The following TNPO2 variants were observed in gnomAD, a reference collection of about 807,000 sequenced individuals.
TNPO2 encodes transportin 2.
Under a neutral mutation model 111.1 loss-of-function variants are expected in TNPO2, and 16 were observed. That is an observed-to-expected ratio of 0.14 (90% CI 0.10 to 0.22). The LOEUF (loss-of-function observed/expected upper bound fraction) is 0.22. Among genes scored for constraint, TNPO2 ranks in the 10% least tolerant of loss-of-function variants. TNPO2 has a pLI of 1.00. For missense variants in TNPO2, 530 were observed against 1,173.7 expected (o/e 0.45, Z 8.01); for synonymous variants, 481 against 475.8 (o/e 1.01, Z -0.14).
At chr19:12,717,108 A>G (rs2026402746) in intron 5 of TNPO2, among the ~76,000 whole-genome samples, 1 of 147,852 alleles carries the variant, frequency 6.8e-6, no homozygotes, top group African/African-American at 2.7e-5. Flanking sequence ...TGGAAACTCA[A>G]CGAGAGAAAG....
intron 13 of TNPO2, among the ~76,000 whole-genome samples, chr19:12,707,336 T>TAATTCATGTGTTAATTG (rs1171986148): frequency 1.3e-5 from 2 of 152,212 alleles, no homozygotes; most frequent in Non-Finnish European, 2.9e-5. Flanking sequence ...ATTCATGCAT[T>TAATTCATGTGTTAATTG]AATTCATGTG....
intron 13 of TNPO2, among the ~76,000 whole-genome samples, chr19:12,708,257 C>A (rs930865989): frequency 2.6e-5 from 4 of 152,106 alleles, no homozygotes; most frequent in Non-Finnish European, 4.4e-5. Context: ...CTCAGCCTCC[C>A]AATAGCTAGG....
In TNPO2 at chr19:12,706,833, G is replaced by T. The variant is rs1163008876; in HGVS notation, c.1271-38C>A. The T allele has an allele frequency of 1.3e-6, 2 of 1,534,744 alleles. No individual in the cohort carries two copies. The highest frequency in any genetic ancestry group is 1.4e-5 in the African/African-American group (1 of 72,888). ...GGAACCAAGAGGGGGCAGTTTGATTGGGCCCAGCCACACCCACCGTATGGA... is the reference window on the plus strand; with the variant it reads ...GGAACCAAGAGGGGGCAGTTTGATTTGGCCCAGCCACACCCACCGTATGGA... On this transcript the variant is annotated intron_variant, in intron 13 of 25. Coordinates refer to ENST00000425528, the MANE Select transcript of TNPO2 (RefSeq NM_001382241.1). This position sits in a 1 kb window ranked among gnomAD's most constrained non-coding sequence, Gnocchi z 7.0.
At chr19:12,717,554 G>T (rs753662224) in intron 5 of TNPO2, among the ~76,000 whole-genome samples, 1 of 152,116 alleles carries the variant, frequency 6.6e-6, no homozygotes, top group Non-Finnish European at 1.5e-5. Context: ...TTAGAGGCGT[G>T]AGCCACTGTG....
rs957946148 is a variant in TNPO2 at position 12,721,665 on chromosome 19, C to T, written c.-13-675G>A. On this transcript the variant is annotated intron_variant, in intron 2 of 25. Transcript: ENST00000425528. This position sits in a 1 kb window ranked among gnomAD's most constrained non-coding sequence, Gnocchi z 4.9. ...CCCCTTAATCAGGCCCAAAGCAGTC[C>T]CCAGGTAGGTCTCTGCTGCCTCTTC... 4.2e-6 allele frequency: 1 copy of T among 237,870 alleles called. No homozygotes were observed. The highest frequency in any genetic ancestry group is 8.4e-6 in the Non-Finnish European group (1 of 119,728). 14.7% of individuals were successfully genotyped at this position (237,870 alleles called of 1,614,324 possible).
Position 12,706,334 on chromosome 19 carries a change from C to A in TNPO2, c.1530G>T (p.Thr510=), listed in dbSNP as rs376211206. The change falls in exon 15 of 26, where the codon ACG becomes ACT. Residue 510 remains threonine, a synonymous_variant. Coordinates refer to ENST00000425528, the MANE Select transcript of TNPO2 (RefSeq NM_001382241.1). This position sits in a 1 kb window ranked among gnomAD's most constrained non-coding sequence, Gnocchi z 7.0. ...AFATLEEEAC[T]ELVPYLSYIL... ...TGTAGCTGAGGTAGGGCACCAGCTC[C>A]GTGCAGGCCTCTTCCTCCAGGGTGG... The A allele has an allele frequency of 1.2e-6, 2 of 1,614,042 alleles. No homozygotes were observed. The highest frequency in any genetic ancestry group is 1.7e-6 in the Non-Finnish European group (2 of 1,179,952).
intron 20 of TNPO2, 106 bp from the exon 21 acceptor site, chr19:12,703,024 G>A (rs2025414019): frequency 6.3e-6 from 6 of 951,002 alleles, no homozygotes; most frequent in Non-Finnish European, 9.8e-6. Flanking sequence ...CTAGAGACTG[G>A]CCAACCACTA....
In TNPO2 at chr19:12,701,497, G is replaced by A. The variant is rs1043685379; in HGVS notation, c.2587-44C>T. On this transcript the variant is annotated intron_variant, in intron 24 of 25. Coordinates refer to ENST00000425528, the MANE Select transcript of TNPO2 (RefSeq NM_001382241.1). The surrounding 1 kb of genome is among the most constrained non-coding windows in gnomAD (Gnocchi z 5.0). Reference sequence around the variant, plus strand: ...TGAGGGGTAGGCAGGGGCAGAACAAGGGGAGTGCGCCTCTTCCCCCATCCC... The same window carrying A: ...TGAGGGGTAGGCAGGGGCAGAACAAAGGGAGTGCGCCTCTTCCCCCATCCC... 1.3e-6 allele frequency: 2 copies of A among 1,599,436 alleles called. No individual in the cohort carries two copies. The highest frequency in any genetic ancestry group is 1.3e-5 in the African/African-American group (1 of 74,550).
chr19:12,708,447 A>T (rs77175685), intron 13 of TNPO2, among the ~76,000 whole-genome samples: 26,359 of 139,648 alleles, frequency 0.19, 5,439 homozygotes, highest in African/African-American at 0.51. Context: ...TTTTTTTTTT[A>T]AAATATCACG....
intron 13 of TNPO2, 107 bp downstream of exon 13, chr19:12,710,514 G>T (rs1241587105): frequency 1.8e-5 from 23 of 1,307,694 alleles, no homozygotes; most frequent in Non-Finnish European, 2.3e-5. Flanking sequence ...TGTTTGGAGT[G>T]GGGTGAGTAG....
Position 12,719,884 on chromosome 19 carries a change from G to T in TNPO2, c.100-548C>A, listed in dbSNP as rs1487584665. Among the ~76,000 whole-genome samples the T allele has an allele frequency of 6.6e-6, 1 of 151,552 alleles. No homozygotes were observed. The highest frequency in any genetic ancestry group is 1.5e-5 in the Non-Finnish European group (1 of 67,958). On this transcript the variant is annotated intron_variant, in intron 3 of 25. Transcript: ENST00000425528. This position sits in a 1 kb window ranked among gnomAD's most constrained non-coding sequence, Gnocchi z 5.0. ...TGAAGACCCAGCCAGAGCAGGAGAG[G>T]GAAGGAGAATCCCACTCCTCTTAAA... is the stretch of plus-strand genomic sequence containing the variant.
chr19:12,707,404 T>C (rs1452600747), intron 13 of TNPO2, among the ~76,000 whole-genome samples: 1 of 152,104 alleles, frequency 6.6e-6, no homozygotes, highest in Admixed American at 6.6e-5. Context: ...AGTGGGGTTT[T>C]ATGGGGCAGC....
intron 13 of TNPO2, among the ~76,000 whole-genome samples, chr19:12,708,431 G>GTT (rs1160827763): frequency 5.2e-4 from 75 of 143,590 alleles, no homozygotes; most frequent in South Asian, 2.5e-3. Flanking sequence ...CACACCCAGG[G>GTT]TTTTTTTTTT....
Position 12,721,379 on chromosome 19 carries a change from C to T in TNPO2, c.-13-389G>A. 1 of 1,076,694 alleles carries T rather than the reference C, an allele frequency of 9.3e-7. No homozygotes were observed. Among genetic ancestry groups the T allele is most frequent in the South Asian group, 1.3e-5 (1 of 75,144 alleles). 66.7% of individuals were successfully genotyped at this position (1,076,694 alleles called of 1,614,324 possible). A position where few individuals can be genotyped will look rare whatever the true frequency, so the allele number is the denominator to read the frequency against. The stretch of plus-strand genomic sequence containing the variant: ...CCAGCCGCCTCCACATCCAGGGGCC[C>T]CGCCCCAGACCGTGATAGCGCCCCG... On this transcript the variant is annotated intron_variant, in intron 2 of 25. Coordinates refer to ENST00000425528, the MANE Select transcript of TNPO2 (RefSeq NM_001382241.1). This position sits in a 1 kb window ranked among gnomAD's most constrained non-coding sequence, Gnocchi z 4.9.
rs755336957 is a variant in TNPO2, at chr19:12,721,021, G to T, written c.-13-31C>A. 5 of 1,540,610 alleles carry T rather than the reference G, an allele frequency of 3.2e-6. No individual in the cohort carries two copies. On this transcript the variant is annotated intron_variant, in intron 2 of 25. Coordinates refer to ENST00000425528, the MANE Select transcript of TNPO2 (RefSeq NM_001382241.1). This position sits in a 1 kb window ranked among gnomAD's most constrained non-coding sequence, Gnocchi z 4.9. ...GAGGTAGGGGCCGGGGTCAGCGCTG[G>T]GTCTCTGGGGCTCCGTGTGAGACCC...
At position 12,699,451 on chromosome 19, in the gene TNPO2, AAT is replaced by A. The variant is rs1474920753; in HGVS notation, c.*1811_*1812del. ...CAACCAAAAATAAATTAAAAAATTA[AAT>A]AGTTTTTTTTTAAAAAAAAAAAAAA... On this transcript the variant is annotated 3_prime_UTR_variant, in exon 26 of 26. Coordinates refer to ENST00000425528, the MANE Select transcript of TNPO2 (RefSeq NM_001382241.1). The A allele has an allele frequency of 6.9e-6, 1 of 144,322 alleles. No individual in the cohort carries two copies. The highest frequency in any genetic ancestry group is 3.0e-5 in the African/African-American group (1 of 32,992). The allele number at this position is 144,322 out of a possible 1,614,324, so 8.9% of individuals were successfully genotyped here.
chr19:12,716,395 G>A (rs900801157), intron 5 of TNPO2, among the ~76,000 whole-genome samples: 1 of 152,012 alleles, frequency 6.6e-6, no homozygotes, highest in African/African-American at 2.4e-5. Flanking sequence ...GGGGACCGAG[G>A]TGGGTGGATC....
rs756753339 is a variant in TNPO2, at chr19:12,703,702, C to A, written c.2110+12G>T. 1.1e-5 allele frequency: 17 copies of A among 1,605,478 alleles called. No individual in the cohort carries two copies. Among genetic ancestry groups the A allele is most frequent in the South Asian group, 5.6e-5 (5 of 89,950 alleles). ...CTGGGGTCATGGGTTAGGGACAAGG[C>A]GAGTGTCGTACCGATACAGGGCTTG... On this transcript the variant is annotated intron_variant, in intron 19 of 25. Transcript: ENST00000425528.
At position 12,715,041 on chromosome 19, in the gene TNPO2, GC is replaced by G. The variant is rs772769393; in HGVS notation, c.771+5del. 8 of 1,570,050 alleles carry G rather than the reference GC, an allele frequency of 5.1e-6. No homozygotes were observed. The highest frequency in any genetic ancestry group is 6.0e-6 in the Non-Finnish European group (7 of 1,157,912). On this transcript the variant is annotated splice_donor_5th_base_variant and intron_variant, in intron 9 of 25. Coordinates refer to ENST00000425528, the MANE Select transcript of TNPO2 (RefSeq NM_001382241.1). The surrounding 1 kb of genome is among the most constrained non-coding windows in gnomAD (Gnocchi z 7.1). ...GCCCGCCTGGGCTGGCCTTGACCAT[GC>G]ACACCTGGATGATGCTGTGCATGTG...
Sources: allele counts gnomAD v4.1 joint callset (sites outside exome capture counted in the v4.1 genomes callset), GRCh38; gene constraint gnomAD v4.1.1; non-coding constraint Gnocchi (gnomAD v3.1); transcripts MANE v1.5; gene names NCBI Gene and HGNC (gene_info 2026-07-23, HGNC 2026-07-21).